SLC35A3: variants seen among roughly 807,000 people sequenced by gnomAD.
SLC35A3 encodes UDP-N-acetylglucosamine transporter.
In SLC35A3, 26 loss-of-function variants were observed where a neutral mutation model predicts 39.0. The observed-to-expected ratio is 0.67, with a 90% CI of 0.49 to 0.92. The LOEUF is 0.92. Among genes scored for constraint, SLC35A3 ranks in the 40% least tolerant of loss-of-function variants. The pLI, the probability that SLC35A3 is intolerant of heterozygous loss-of-function variation, is 0.00. For missense variants in SLC35A3, 299 were observed against 371.6 expected (o/e 0.80, Z 1.61); for synonymous variants, 135 against 133.1 (o/e 1.01, Z -0.10).
At position 99,999,333 on chromosome 1, in the gene SLC35A3, T is replaced by G; in HGVS notation, c.260T>G (p.Leu87Arg). The change falls in exon 3 of 8, where the codon CTT becomes CGT. Residue 87 changes from leucine (L) to arginine (R), a missense_variant. By Grantham distance (102) the Leu-to-Arg change is moderately radical (BLOSUM62 -2). Transcript: ENST00000533028. ...ILNKPMETLKLAIPSGIYTLQ... is the reference protein window; with the variant it reads ...ILNKPMETLKRAIPSGIYTLQ... ...AATAAACCTATGGAAACACTTAAAC[T>G]TGCTATTCCATCAGGGATCTATACT... 1 of 1,599,722 alleles carries G rather than the reference T, an allele frequency of 6.3e-7. No homozygotes were observed. Among genetic ancestry groups the G allele is most frequent in the Non-Finnish European group, 8.5e-7 (1 of 1,171,372 alleles).
intron 7 of SLC35A3, among the ~76,000 whole-genome samples, chr1:100,019,381 TTGAATGAATGAATGAA>T (rs71719100): frequency 2.1e-4 from 31 of 149,150 alleles, no homozygotes; most frequent in South Asian, 2.1e-4. Flanking sequence ...ACTGCCATTA[TTGAATGAATGAATGAA>T]TGAATGAATG....
At chr1:99,984,257 G>A (rs1657622859) in intron 1 of SLC35A3, among the ~76,000 whole-genome samples, 1 of 152,196 alleles carries the variant, frequency 6.6e-6, no homozygotes, top group African/African-American at 2.4e-5. Flanking sequence ...GAGGGAAGAG[G>A]AAAGGAATAG....
At chr1:100,013,024 T>C (rs1057022202) in intron 5 of SLC35A3, among the ~76,000 whole-genome samples, 1 of 152,222 alleles carries the variant, frequency 6.6e-6, no homozygotes, top group African/African-American at 2.4e-5. Flanking sequence ...ATGAAGCACT[T>C]AGAATAATTC....
chr1:99,986,483 A>G (rs1657749986), intron 1 of SLC35A3, among the ~76,000 whole-genome samples: 1 of 152,174 alleles, frequency 6.6e-6, no homozygotes, highest in African/African-American at 2.4e-5. Flanking sequence ...AAGAGCATTA[A>G]TAATAACTGT....
chr1:99,984,804 G>A (rs900451007), intron 1 of SLC35A3, among the ~76,000 whole-genome samples: 1 of 152,108 alleles, frequency 6.6e-6, no homozygotes, highest in African/African-American at 2.4e-5. Flanking sequence ...GTATCACATT[G>A]TGGTTTTGAT....
chr1:100,004,801 A>G (rs1470881746), intron 3 of SLC35A3, among the ~76,000 whole-genome samples: 2 of 152,052 alleles, frequency 1.3e-5, no homozygotes, highest in Non-Finnish European at 2.9e-5. Context: ...GTTCACAGGC[A>G]CAGTTATGGT....
intron 7 of SLC35A3, among the ~76,000 whole-genome samples, chr1:100,018,689 A>G (rs979124388): frequency 1.3e-5 from 2 of 152,062 alleles, no homozygotes; most frequent in Admixed American, 6.6e-5. Flanking sequence ...TTTGTTGCCC[A>G]GGCTGATCTT....
chr1:99,980,875 C>T (rs1421992809), intron 1 of SLC35A3, among the ~76,000 whole-genome samples: 1 of 152,128 alleles, frequency 6.6e-6, no homozygotes, highest in African/African-American at 2.4e-5. Flanking sequence ...CTACTTATTT[C>T]TTTCACTTAC....
intron 7 of SLC35A3, among the ~76,000 whole-genome samples, chr1:100,022,178 A>T (rs1660591987): frequency 6.6e-6 from 1 of 152,234 alleles, no homozygotes; most frequent in Non-Finnish European, 1.5e-5. Context: ...ATACATCTTC[A>T]TAGATTTGCT....
chr1:99,998,732 T>C (rs1021517521), intron 2 of SLC35A3, among the ~76,000 whole-genome samples: 6 of 152,210 alleles, frequency 3.9e-5, no homozygotes, highest in African/African-American at 9.6e-5. Context: ...AAGCTTTAAA[T>C]CTGGACTCAC....
Position 100,034,985 on chromosome 1 carries a change from AGT to A in SLC35A3, c.*12512_*12513del, listed in dbSNP as rs1306928168. 6.6e-6 allele frequency: 1 copy of A among 152,180 alleles called. No homozygotes were observed. The highest frequency in any genetic ancestry group is 1.5e-5 in the Non-Finnish European group (1 of 68,034). 9.4% of individuals were successfully genotyped at this position (152,180 alleles called of 1,614,324 possible). ...GTTAGCGAGTACTAGTTTGTTAGCC[AGT>A]GTTAGTTTCTGTTGATCCTAACCAA... On this transcript the variant is annotated 3_prime_UTR_variant, in exon 8 of 8. Coordinates refer to ENST00000533028, the MANE Select transcript of SLC35A3 (RefSeq NM_012243.3).
intron 1 of SLC35A3, among the ~76,000 whole-genome samples, chr1:99,989,966 A>G (rs1657977595): frequency 6.6e-6 from 1 of 151,988 alleles, no homozygotes; most frequent in Non-Finnish European, 1.5e-5. Context: ...TTTGTTGTCC[A>G]AGCTGGTCTT....
chr1:99,970,416 C>T, intron 1 of SLC35A3: 1 of 658,872 alleles, frequency 1.5e-6, no homozygotes, highest in Non-Finnish European at 2.6e-6. Flanking sequence ...GGAAAAAAGG[C>T]CCGAGGAGAG....
intron 1 of SLC35A3, chr1:99,970,787 G>T: frequency 1.6e-6 from 1 of 606,736 alleles, no homozygotes; most frequent in Non-Finnish European, 2.8e-6. Flanking sequence ...AAGTCTTTTC[G>T]TTTTTGAAAT....
chr1:100,005,429 G>T (rs1659152970), intron 3 of SLC35A3, among the ~76,000 whole-genome samples: 1 of 152,194 alleles, frequency 6.6e-6, no homozygotes, highest in African/African-American at 2.4e-5. Flanking sequence ...GGCATCCTTT[G>T]TGTGACATAC....
intron 3 of SLC35A3, among the ~76,000 whole-genome samples, chr1:100,000,066 A>G (rs930741421): frequency 6.6e-6 from 1 of 152,192 alleles, no homozygotes; most frequent in Non-Finnish European, 1.5e-5. Flanking sequence ...CTTTTGATAT[A>G]CTGATTTCCT....
intron 5 of SLC35A3, among the ~76,000 whole-genome samples, chr1:100,013,516 G>A (rs1268606722): frequency 3.3e-5 from 5 of 151,402 alleles, no homozygotes; most frequent in East Asian, 3.9e-4. Context: ...CGGAGGCTGA[G>A]GTGGGAGGAT....
At chr1:99,993,238 G>C in intron 1 of SLC35A3, 1 of 221,408 alleles carries the variant, frequency 4.5e-6, no homozygotes, top group South Asian at 7.8e-5. Flanking sequence ...TGAGTCATCC[G>C]TCAAGATCTG....
intron 1 of SLC35A3, among the ~76,000 whole-genome samples, chr1:99,978,607 G>T (rs1657261093): frequency 6.6e-6 from 1 of 152,164 alleles, no homozygotes; most frequent in Non-Finnish European, 1.5e-5. Flanking sequence ...GGTAGTAGAA[G>T]AATTGCTTTG....
Sources: allele counts gnomAD v4.1 joint callset (sites outside exome capture counted in the v4.1 genomes callset), GRCh38; gene constraint gnomAD v4.1.1; transcripts MANE v1.5; gene names NCBI Gene and HGNC (gene_info 2026-07-23, HGNC 2026-07-21).